Variants in SLC2A1 observed in about 807,000 individuals in gnomAD.
The protein encoded by SLC2A1 is solute carrier family 2 member 1, also known as solute carrier family 2, facilitated glucose transporter member 1.
A neutral mutation model predicts 46.6 loss-of-function variants in SLC2A1; 4 were observed. The observed-to-expected ratio is 0.09, with a 90% confidence interval of 0.04 to 0.20. The LOEUF is 0.20. Ranked by LOEUF, SLC2A1 falls within the 10% of genes least tolerant of loss-of-function variation. The pLI is 1.00. For synonymous variants in SLC2A1, 253 were observed against 270.0 expected, an observed-to-expected ratio of 0.94 and a Z score of 0.62; for missense variants, 352 against 667.0, an observed-to-expected ratio of 0.53 and a Z score of 5.20.
intron 2 of SLC2A1, among the ~76,000 whole-genome samples, chr1:42,933,589 C>T (rs1021536319): frequency 1.3e-5 from 2 of 152,140 alleles, no homozygotes; most frequent in Admixed American, 1.3e-4. Flanking sequence ...TGACAAAAAA[C>T]AGAGTAACAA....
At chr1:42,950,536 A>G (rs1256429037) in intron 1 of SLC2A1, among the ~76,000 whole-genome samples, 4 of 152,232 alleles carry the variant, frequency 2.6e-5, no homozygotes, top group Non-Finnish European at 4.4e-5. Flanking sequence ...GACACCCCTG[A>G]GAAGATACAC....
intron 1 of SLC2A1, among the ~76,000 whole-genome samples, chr1:42,951,301 CTG>C (rs1643717349): frequency 6.6e-6 from 1 of 152,218 alleles, no homozygotes; most frequent in South Asian, 2.1e-4. Flanking sequence ...TGAAACACAT[CTG>C]TGTTTCACAT....
intron 1 of SLC2A1, among the ~76,000 whole-genome samples, chr1:42,958,334 C>T (rs1330491000): frequency 6.6e-6 from 1 of 151,130 alleles, no homozygotes; most frequent in African/African-American, 2.4e-5. Context: ...GTGTCCCCAG[C>T]CCCAGCAGGG....
Position 42,930,794 on chromosome 1 carries a change from G to A in SLC2A1, c.348C>T (p.Gly116=). ...SAVLMGFSKL[G]KSFEMLILGR... is the part of the protein sequence containing the mutation. ...CCAGGATCAGCATCTCAAAGGACTT[G>A]CCCAGTTTCGAGAAGCCCATGAGCA... The change falls in exon 4 of 10, where the codon GGC becomes GGT. Residue 116 remains glycine (G), a synonymous_variant. Transcript: ENST00000426263. The surrounding 1 kb of genome is among the most constrained non-coding windows in gnomAD (Gnocchi z 6.2). 6.2e-7 allele frequency: 1 copy of A among 1,602,220 alleles called. No individual in the cohort carries two copies. The highest frequency in any genetic ancestry group is 2.2e-5 in the East Asian group (1 of 44,876).
intron 1 of SLC2A1, among the ~76,000 whole-genome samples, chr1:42,947,331 G>A (rs757872935): frequency 2.8e-4 from 42 of 152,170 alleles, no homozygotes; most frequent in Non-Finnish European, 5.0e-4. Flanking sequence ...CCCTGGGGAT[G>A]AGACTACTTT....
chr1:42,949,354 G>C (rs1031220533), intron 1 of SLC2A1, among the ~76,000 whole-genome samples: 2 of 152,318 alleles, frequency 1.3e-5, no homozygotes, highest in African/African-American at 2.4e-5. Context: ...TGAGGTCAGA[G>C]GGCAGGTGCC....
Position 42,927,570 on chromosome 1 carries a change from G to A in SLC2A1, c.1278+35C>T, listed in dbSNP as rs764118744. 37 of 1,557,930 alleles carry A rather than the reference G, an allele frequency of 2.4e-5. No homozygotes were observed. In the South Asian group the frequency reaches 3.1e-4, roughly 13 times the overall value. ...TTTGCACAGCACTGTGGGGTCATGC[G>A]TGCGGGTGAGTATAGAGACAGTGGG... On this transcript the variant is annotated intron_variant, in intron 9 of 9. Transcript: ENST00000426263. The surrounding 1 kb of genome is among the most constrained non-coding windows in gnomAD (Gnocchi z 5.3).
chr1:42,942,608 C>T (rs6657798), intron 2 of SLC2A1, among the ~76,000 whole-genome samples: 2 of 151,542 alleles, frequency 1.3e-5, no homozygotes, highest in Middle Eastern at 3.4e-3. Context: ...GCTTTGACTG[C>T]CACAGGGCCT....
At position 42,930,205 on chromosome 1, in the gene SLC2A1, A is replaced by G. The variant is rs1482081232; in HGVS notation, c.517-170T>C. The G allele has an allele frequency of 2.6e-6, 2 of 761,654 alleles. No individual in the cohort carries two copies. Among genetic ancestry groups the G allele is most frequent in the Non-Finnish European group, 4.4e-6 (2 of 451,796 alleles). The allele number at this position is 761,654 out of a possible 1,614,324, so 47.2% of individuals were successfully genotyped here. A position where few individuals can be genotyped will look rare whatever the true frequency, so the allele number is the denominator to read the frequency against. On this transcript the variant is annotated intron_variant, in intron 4 of 9. Coordinates refer to ENST00000426263, the MANE Select transcript of SLC2A1 (RefSeq NM_006516.4). This position sits in a 1 kb window ranked among gnomAD's most constrained non-coding sequence, Gnocchi z 6.2. ...GTTTCTCAGTTTCCTCATCGGTCAC[A>G]TGGGAAAAGTAGGACCTACCCCACA...
chr1:42,945,738 C>CGAAAAAA (rs1553157043), intron 1 of SLC2A1, among the ~76,000 whole-genome samples: 1 of 115,448 alleles, frequency 8.7e-6, no homozygotes, highest in South Asian at 2.7e-4. Context: ...GACTCTGTCT[C>CGAAAAAA]AAAAAAAAAA....
chr1:42,929,336 T>C lies in SLC2A1; in HGVS notation c.868-22A>G. On this transcript the variant is annotated intron_variant, in intron 6 of 9. Coordinates refer to ENST00000426263, the MANE Select transcript of SLC2A1 (RefSeq NM_006516.4). This position sits in a 1 kb window ranked among gnomAD's most constrained non-coding sequence, Gnocchi z 6.0. The stretch of plus-strand genomic sequence containing the variant: ...AGACCTGCCAGACAAGAGAAACTGT[T>C]GGGGCCTACCTGGACATTGTGGCCC... The C allele has an allele frequency of 6.3e-7, 1 of 1,581,428 alleles. No individual in the cohort carries two copies. Among genetic ancestry groups the C allele is most frequent in the Non-Finnish European group, 8.6e-7 (1 of 1,158,434 alleles).
rs749226083 is a variant in SLC2A1, at chr1:42,929,708, A to G, written c.752T>C (p.Met251Thr). ...LQEMKEESRQ[M>T]MREKKVTILE... ...GATGGTGACCTTCTTCTCCCGCATC[A>G]TCTGCCGACTCTCTTCCTTCATCTC... The change falls in exon 6 of 10, where the codon ATG (methionine) becomes ACG (threonine). Residue 251 changes from methionine to threonine, a missense_variant. This residue lies in a region of SLC2A1 where 167 missense variants were observed against 280.8 expected (regional missense o/e 0.59). Transcript: ENST00000426263. This position sits in a 1 kb window ranked among gnomAD's most constrained non-coding sequence, Gnocchi z 6.0. 8.7e-6 allele frequency: 14 copies of G among 1,613,808 alleles called. No individual in the cohort carries two copies. Among genetic ancestry groups the G allele is most frequent in the African/African-American group, 1.3e-5 (1 of 74,896 alleles).
chr1:42,945,318 T>G (rs1239352027), intron 1 of SLC2A1, among the ~76,000 whole-genome samples: 1 of 152,086 alleles, frequency 6.6e-6, no homozygotes, highest in South Asian at 2.1e-4. Flanking sequence ...CGCAGTGAGC[T>G]GTGATCACCC....
chr1:42,941,424 T>C (rs557023061), intron 2 of SLC2A1, among the ~76,000 whole-genome samples: 1 of 152,210 alleles, frequency 6.6e-6, no homozygotes, highest in Non-Finnish European at 1.5e-5. Flanking sequence ...CTTTACTGAA[T>C]GCCAGGCTTT....
At chr1:42,935,961 TA>T (rs1643538685) in intron 2 of SLC2A1, among the ~76,000 whole-genome samples, 1 of 152,204 alleles carries the variant, frequency 6.6e-6, no homozygotes, top group South Asian at 2.1e-4. Context: ...CTCAACCTTG[TA>T]AAAATGTAAA....
At chr1:42,937,230 G>A (rs1021911501) in intron 2 of SLC2A1, among the ~76,000 whole-genome samples, 8 of 152,232 alleles carry the variant, frequency 5.3e-5, no homozygotes, top group African/African-American at 1.9e-4. Context: ...CACGGAGATG[G>A]TCTGTCTGAT....
intron 1 of SLC2A1, among the ~76,000 whole-genome samples, chr1:42,955,479 G>A (rs1218218149): frequency 5.3e-5 from 8 of 152,240 alleles, no homozygotes; most frequent in Admixed American, 3.3e-4. Context: ...GCACGGTGAC[G>A]CATGTCTGTG....
In SLC2A1 at chr1:42,943,208, C is replaced by CGATG. The variant is rs1643615462; in HGVS notation, c.114+14_114+17dup. On this transcript the variant is annotated intron_variant, in intron 2 of 9. Coordinates refer to ENST00000426263, the MANE Select transcript of SLC2A1 (RefSeq NM_006516.4). ...GAGCAGGCTGGTGTCCATAAGCCAA[C>CGATG]GATGGCACAGTACTCACCTTCTGGG... is the stretch of plus-strand genomic sequence containing the variant. 4 of 1,574,212 alleles carry CGATG rather than the reference C, an allele frequency of 2.5e-6. No individual in the cohort carries two copies. The highest frequency in any genetic ancestry group is 3.5e-6 in the Non-Finnish European group (4 of 1,144,910).
Position 42,954,294 on chromosome 1 carries a change from G to C in SLC2A1, c.18+4340C>G, listed in dbSNP as rs958754389. ...AGCACTTTGGGAGGCCGAGGTGGGC[G>C]GATCACCTGAGGTCTGGAGTTCGAG... On this transcript the variant is annotated intron_variant, in intron 1 of 9. Coordinates refer to ENST00000426263, the MANE Select transcript of SLC2A1 (RefSeq NM_006516.4). This position sits in a 1 kb window ranked among gnomAD's most constrained non-coding sequence, Gnocchi z 4.2. Among the ~76,000 whole-genome samples, 1 of 152,026 alleles carries C rather than the reference G, an allele frequency of 6.6e-6. No homozygotes were observed. Among genetic ancestry groups the C allele is most frequent in the Non-Finnish European group, 1.5e-5 (1 of 68,016 alleles).
Sources: gnomAD v4.1 joint callset for allele counts (sites outside exome capture counted in the v4.1 genomes callset) on GRCh38, gnomAD v4.1.1 for gene constraint, gnomAD v4.1.1 regional missense constraint, Gnocchi (gnomAD v3.1) non-coding constraint, MANE v1.5 for transcripts, NCBI Gene and HGNC (gene_info 2026-07-23, HGNC 2026-07-21) for gene names.